Variants in IFT74 observed in about 807,000 individuals in gnomAD.
IFT74 encodes intraflagellar transport 74.
IFT74 carries 92 observed loss-of-function variants against 96.7 expected under a neutral mutation model. That is an observed-to-expected ratio of 0.95 (90% CI 0.80 to 1.13). IFT74 has a LOEUF of 1.13. Ranked by LOEUF, IFT74 falls within the 50% of genes most tolerant of loss-of-function variation. The pLI is 0.00. For missense variants in IFT74, 811 were observed against 698.2 expected, an observed-to-expected ratio of 1.16 and a Z score of -1.82; for synonymous variants, 223 against 213.2, an observed-to-expected ratio of 1.05 and a Z score of -0.40.
At chr9:26,986,885 A>G (rs146994583) in intron 6 of IFT74, among the ~76,000 whole-genome samples, 6,099 of 152,238 alleles carry the variant, frequency 0.04, 204 homozygotes, top group South Asian at 0.13. Flanking sequence ...AGCTTCCCAA[A>G]GTGCTGGGAT....
intron 11 of IFT74, among the ~76,000 whole-genome samples, chr9:27,018,101 G>A (rs952772576): frequency 2.6e-5 from 4 of 152,164 alleles, no homozygotes; most frequent in East Asian, 1.9e-4. Context: ...CTTGAGGTAC[G>A]CCTACCACAT....
Position 26,968,859 on chromosome 9 carries a change from ACAC to A in IFT74, c.120+6775_120+6777del, listed in dbSNP as rs778262351. ...TGTTGATTTTGTTTATCTTTTCAAA[ACAC>A]CAACTTTGTGTTTCATTAATCTTTT... On this transcript the variant is annotated intron_variant, in intron 2 of 19. Coordinates refer to ENST00000380062, the MANE Select transcript of IFT74 (RefSeq NM_025103.4). 3.3e-5 allele frequency among the ~76,000 whole-genome samples: 5 copies of A among 151,114 alleles called. No homozygotes were observed. In the East Asian group the frequency reaches 7.9e-4, roughly 24 times the overall value.
At position 26,984,861 on chromosome 9, in the gene IFT74, G is replaced by A. The variant is rs368734614; in HGVS notation, c.465+302G>A. On this transcript the variant is annotated intron_variant, in intron 6 of 19. Transcript: ENST00000380062. ...GAATGCTTATACACTGTTGGTGAGA[G>A]TGTAAATTAGTTCAACCACTGTGAA... Among the ~76,000 whole-genome samples the A allele has an allele frequency of 2.0e-5, 3 of 152,308 alleles. No homozygotes were observed. The East Asian group carries it at 5.8e-4, about 29-fold the overall frequency.
chr9:26,993,526 C>G (rs963110009), intron 8 of IFT74: 2 of 152,438 alleles, frequency 1.3e-5, no homozygotes, highest in Admixed American at 6.6e-5. Context: ...TTTATTTTCT[C>G]TCAGTAGACA....
rs553532243 is a variant in IFT74 at position 27,056,223 on chromosome 9, G to A, written c.1498-111G>A. 1.8e-4 allele frequency: 145 copies of A among 817,140 alleles called. No homozygotes were observed. In the African/African-American group the frequency reaches 2.4e-3, roughly 14 times the overall value. The allele number at this position is 817,140 out of a possible 1,614,324, so 50.6% of individuals were successfully genotyped here. ...ACAAACGGGTTTTAGAGTAGTTATA[G>A]CCTTGATATAATTTTACCAGAATAT... On this transcript the variant is annotated intron_variant, in intron 17 of 19. Transcript: ENST00000380062.
At chr9:26,970,690 C>T (rs1029657619) in intron 2 of IFT74, among the ~76,000 whole-genome samples, 44 of 152,336 alleles carry the variant, frequency 2.9e-4, no homozygotes, top group African/African-American at 9.9e-4. Flanking sequence ...CGGGTTAACC[C>T]TTAACTCATT....
intron 15 of IFT74, 115 bp from the exon 16 acceptor site, chr9:27,048,033 C>A (rs1278759000): frequency 1.4e-5 from 9 of 625,128 alleles, no homozygotes; most frequent in African/African-American, 1.9e-5. Flanking sequence ...TGGTGTATTT[C>A]AAAAAAAATA....
intron 12 of IFT74, among the ~76,000 whole-genome samples, chr9:27,023,507 A>G (rs947209763): frequency 6.6e-6 from 1 of 151,712 alleles, no homozygotes; most frequent in African/African-American, 2.4e-5. Flanking sequence ...CTGCTATAAA[A>G]CCCACTTGAT....
At chr9:26,947,395 C>T (rs1825774142) in intron 1 of IFT74, 1 of 232,244 alleles carries the variant, frequency 4.3e-6, no homozygotes, top group Non-Finnish European at 8.4e-6. Context: ...CGCCCTTCCA[C>T]CAGGACGCCT....
chr9:26,948,630 C>A (rs1203590385), intron 1 of IFT74, among the ~76,000 whole-genome samples: 5 of 151,736 alleles, frequency 3.3e-5, no homozygotes, highest in Non-Finnish European at 5.9e-5. Flanking sequence ...CCATGCCCAG[C>A]TAAATTTTGT....
intron 16 of IFT74, among the ~76,000 whole-genome samples, chr9:27,053,161 CT>C (rs58085385): frequency 0.3 from 15,255 of 50,556 alleles, 2,741 homozygotes; most frequent in East Asian, 0.44. Flanking sequence ...CGCGCCTGGC[CT>C]TTTTTTTTTT....
rs181890445 is a variant in IFT74 at position 27,029,615 on chromosome 9, G to A, written c.1054+511G>A. On this transcript the variant is annotated intron_variant, in intron 13 of 19. Transcript: ENST00000380062. The stretch of plus-strand genomic sequence containing the variant: ...ATACAAAAATTAGCCGGGCGTGGTG[G>A]CACAGGCCTGTAATCCCAGCTATTC... Among the ~76,000 whole-genome samples the A allele has an allele frequency of 1.4e-4, 22 of 152,276 alleles. No individual in the cohort carries two copies. In the East Asian group the frequency reaches 4.2e-3, roughly 29 times the overall value.
At chr9:27,057,185 A>G (rs1425037607) in intron 18 of IFT74, among the ~76,000 whole-genome samples, 3 of 152,180 alleles carry the variant, frequency 2.0e-5, no homozygotes, top group Non-Finnish European at 4.4e-5. Context: ...ATAATGCTAT[A>G]AAGAGCAATC....
At chr9:26,971,654 T>G (rs984732919) in intron 2 of IFT74, among the ~76,000 whole-genome samples, 14 of 152,176 alleles carry the variant, frequency 9.2e-5, no homozygotes, top group Non-Finnish European at 2.1e-4. Context: ...CAAGGTTATT[T>G]CCTTGACTTG....
intron 2 of IFT74, among the ~76,000 whole-genome samples, chr9:26,963,315 T>A (rs1027043855): frequency 1.3e-5 from 2 of 152,082 alleles, no homozygotes; most frequent in Non-Finnish European, 2.9e-5. Flanking sequence ...TGCATGGTAT[T>A]CCATGGTGTA....
chr9:26,997,600 A>C, intron 8 of IFT74: 104 of 973,308 alleles, frequency 1.1e-4, no homozygotes, highest in South Asian at 3.8e-4. Context: ...TCCCATAGTG[A>C]TGGGATTACA....
intron 3 of IFT74, among the ~76,000 whole-genome samples, chr9:26,980,045 A>C (rs1216770299): frequency 1.3e-5 from 2 of 152,114 alleles, no homozygotes; most frequent in Non-Finnish European, 2.9e-5. Context: ...ACTGAAATGT[A>C]AGACCATTTC....
chr9:27,005,365 C>G lies in IFT74; in HGVS notation c.588-3655C>G, dbSNP rs868326201. Among the ~76,000 whole-genome samples the G allele has an allele frequency of 3.3e-4, 35 of 104,616 alleles. 4 individuals carry two copies. Among genetic ancestry groups the G allele is most frequent in the Admixed American group, 2.3e-3 (24 of 10,404 alleles). 68.6% of individuals were successfully genotyped at this position (104,616 alleles called of 152,430 possible). On this transcript the variant is annotated intron_variant, in intron 8 of 19. Coordinates refer to ENST00000380062, the MANE Select transcript of IFT74 (RefSeq NM_025103.4). Reference sequence around the variant, plus strand: ...GATGAAACCATTTCCCCCCCCGCCCCCCGCAAAACAATTACTTAGTATTGT... The same window carrying G: ...GATGAAACCATTTCCCCCCCCGCCCGCCGCAAAACAATTACTTAGTATTGT...
intron 2 of IFT74, chr9:26,976,510 A>G: frequency 3.2e-6 from 1 of 311,886 alleles, no homozygotes; most frequent in Non-Finnish European, 6.3e-6. Flanking sequence ...TTGGCTAAAC[A>G]TTTAAACTTT....
Sources: gnomAD v4.1 joint callset for allele counts (sites outside exome capture counted in the v4.1 genomes callset) on GRCh38, gnomAD v4.1.1 for gene constraint, MANE v1.5 for transcripts, NCBI Gene and HGNC (gene_info 2026-07-23, HGNC 2026-07-21) for gene names.